Variants in ITPR2 observed in about 807,000 individuals in gnomAD.
ITPR2 encodes the protein inositol 1,4,5-trisphosphate receptor type 2.
A neutral mutation model predicts 317.1 loss-of-function variants in ITPR2; 207 were observed. The observed-to-expected ratio is 0.65, with a 90% CI of 0.58 to 0.73. The LOEUF (loss-of-function observed/expected upper bound fraction) is 0.73, where lower values mean the gene tolerates loss of function less well. Among genes scored for constraint, ITPR2 ranks in the 30% least tolerant of loss-of-function variants. The pLI, the probability that ITPR2 is intolerant of heterozygous loss-of-function variation, is 0.00. For synonymous variants in ITPR2, 1,156 were observed against 1,149.1 expected, an observed-to-expected ratio of 1.01 and a Z score of -0.12; for missense variants, 2,613 against 3,284.0, an observed-to-expected ratio of 0.80 and a Z score of 4.99.
At chr12:26,453,146 C>T (rs1004852782) in intron 45 of ITPR2, among the ~76,000 whole-genome samples, 5 of 52,028 alleles carry the variant, frequency 9.6e-5, no homozygotes, top group Non-Finnish European at 2.1e-4. Flanking sequence ...TACTTCAATA[C>T]TTCAGAAGAT....
chr12:26,565,209 A>G (rs1944918878), intron 34 of ITPR2, among the ~76,000 whole-genome samples: 1 of 152,252 alleles, frequency 6.6e-6, no homozygotes, highest in Non-Finnish European at 1.5e-5. Context: ...CCACATGGAT[A>G]TGAGAAACTA....
chr12:26,682,494 ATG>A (rs3830262), intron 12 of ITPR2, 78 bp downstream of exon 12: 172,918 of 845,178 alleles, frequency 0.2, 22,486 homozygotes, highest in East Asian at 0.53. Flanking sequence ...TATAAGGAAC[ATG>A]TGTCACACAG....
chr12:26,802,720 C>T (rs1345062088), intron 1 of ITPR2, among the ~76,000 whole-genome samples: 1 of 151,622 alleles, frequency 6.6e-6, no homozygotes, highest in African/African-American at 2.4e-5. Context: ...TAAAGAGAGC[C>T]ATTACATCAT....
At chr12:26,446,010 C>G (rs1020311625) in intron 45 of ITPR2, among the ~76,000 whole-genome samples, 4 of 152,060 alleles carry the variant, frequency 2.6e-5, no homozygotes, top group Non-Finnish European at 4.4e-5. Context: ...CCCTTAGAGA[C>G]AGCAGGGAAT....
At chr12:26,764,224 T>C (rs538252940) in intron 2 of ITPR2, among the ~76,000 whole-genome samples, 2 of 152,158 alleles carry the variant, frequency 1.3e-5, no homozygotes, top group African/African-American at 4.8e-5. Flanking sequence ...TAGACCTAAA[T>C]GTGAAGTGCA....
intron 2 of ITPR2, among the ~76,000 whole-genome samples, chr12:26,737,453 C>T (rs1184371807): frequency 2.0e-5 from 3 of 152,180 alleles, no homozygotes; most frequent in Non-Finnish European, 4.4e-5. Context: ...ATGGGTTTCA[C>T]CATGTTGGAC....
chr12:26,679,252 G>C (rs1283743026), intron 13 of ITPR2, among the ~76,000 whole-genome samples: 1 of 152,208 alleles, frequency 6.6e-6, no homozygotes, highest in Non-Finnish European at 1.5e-5. Context: ...GAAAAAAATA[G>C]AGGTAAGAAT....
intron 2 of ITPR2, among the ~76,000 whole-genome samples, chr12:26,769,082 C>T (rs111567655): frequency 0.014 from 2,153 of 151,876 alleles, 55 homozygotes; most frequent in African/African-American, 0.05. Flanking sequence ...CAGTGGGTTC[C>T]TGGGGAGCCA....
At chr12:26,779,513 T>C (rs1040030795) in intron 2 of ITPR2, among the ~76,000 whole-genome samples, 4 of 147,898 alleles carry the variant, frequency 2.7e-5, no homozygotes, top group African/African-American at 9.7e-5. Flanking sequence ...CAAATGCCCA[T>C]AGTCTCTACT....
At chr12:26,543,531 T>G (rs761653497) in intron 37 of ITPR2, among the ~76,000 whole-genome samples, 8 of 152,142 alleles carry the variant, frequency 5.3e-5, no homozygotes, top group Non-Finnish European at 1.0e-4. Flanking sequence ...CACAGCACTT[T>G]GGGAGGCTGA....
intron 21 of ITPR2, chr12:26,649,498 T>C (rs1448805787): frequency 1.3e-5 from 2 of 152,220 alleles, no homozygotes; most frequent in Non-Finnish European, 2.9e-5. Flanking sequence ...GATCCAGTAC[T>C]GAATTGCATA....
chr12:26,764,899 A>G (rs1482898180), intron 2 of ITPR2, among the ~76,000 whole-genome samples: 1 of 152,058 alleles, frequency 6.6e-6, no homozygotes, highest in Non-Finnish European at 1.5e-5. Context: ...AAATTGTTGA[A>G]TATTGTTATT....
chr12:26,498,668 C>G (rs146585821), intron 37 of ITPR2, among the ~76,000 whole-genome samples: 34 of 152,114 alleles, frequency 2.2e-4, no homozygotes, highest in Non-Finnish European at 5.9e-5. Flanking sequence ...CTGTAGAAGA[C>G]AGTTGGCCCA....
chr12:26,739,841 C>G (rs76355803), intron 2 of ITPR2, among the ~76,000 whole-genome samples: 1,978 of 152,192 alleles, frequency 0.013, 47 homozygotes, highest in African/African-American at 0.046. Context: ...GTATATAGTC[C>G]TCAATTGTTC....
chr12:26,552,178 G>A (rs1242959787), intron 36 of ITPR2, among the ~76,000 whole-genome samples: 1 of 152,030 alleles, frequency 6.6e-6, no homozygotes, highest in Non-Finnish European at 1.5e-5. Flanking sequence ...CTAATGTGTG[G>A]ATGGTGATCA....
chr12:26,344,933 CTAAT>C (rs1286503863), intron 55 of ITPR2, among the ~76,000 whole-genome samples: 2 of 152,062 alleles, frequency 1.3e-5, no homozygotes, highest in Non-Finnish European at 2.9e-5. Flanking sequence ...TCTGGTTTTT[CTAAT>C]CTTTCTTTCA....
At chr12:26,724,447 C>A (rs1449456746) in intron 4 of ITPR2, among the ~76,000 whole-genome samples, 5 of 152,166 alleles carry the variant, frequency 3.3e-5, no homozygotes, top group Non-Finnish European at 7.4e-5. Flanking sequence ...AAGATCACTT[C>A]TTTATGTGTA....
chr12:26,718,083 AC>A (rs1383810208), intron 5 of ITPR2, among the ~76,000 whole-genome samples: 4 of 152,210 alleles, frequency 2.6e-5, no homozygotes, highest in African/African-American at 9.6e-5. Context: ...AAAAACAAAA[AC>A]AAAAACAAAA....
chr12:26,386,051 G>A (rs1939656648), intron 55 of ITPR2, among the ~76,000 whole-genome samples: 1 of 152,072 alleles, frequency 6.6e-6, no homozygotes, highest in South Asian at 2.1e-4. Flanking sequence ...AATGTATATT[G>A]ATGAAACTTA....
Sources: gnomAD v4.1 joint callset for allele counts (sites outside exome capture counted in the v4.1 genomes callset) on GRCh38, gnomAD v4.1.1 for gene constraint, MANE v1.5 for transcripts, NCBI Gene and HGNC (gene_info 2026-07-23, HGNC 2026-07-21) for gene names.